The following TOX2 variants were observed in gnomAD, a reference collection of about 807,000 sequenced individuals.
TOX2 encodes the protein TOX high mobility group box family member 2.
A neutral mutation model predicts 47.4 loss-of-function variants in TOX2; 15 were observed. The observed-to-expected ratio is 0.32, with a 90% CI of 0.21 to 0.49. The LOEUF is 0.49. TOX2 is among the 20% of genes least tolerant of loss of function. The pLI is 0.99. For synonymous variants in TOX2, 290 were observed against 296.6 expected (o/e 0.98, Z 0.23); for missense variants, 622 against 673.1 (o/e 0.92, Z 0.84).
At chr20:44,014,739 A>G (rs1337906532) in intron 3 of TOX2, among the ~76,000 whole-genome samples, 1 of 152,160 alleles carries the variant, frequency 6.6e-6, no homozygotes. Flanking sequence ...TGCTCTGTTT[A>G]TTACTTTAAC....
At chr20:44,008,745 G>A (rs1004605094) in intron 3 of TOX2, among the ~76,000 whole-genome samples, 1 of 151,984 alleles carries the variant, frequency 6.6e-6, no homozygotes, top group Non-Finnish European at 1.5e-5. Context: ...TTACGTACTA[G>A]TCATGACTCT....
At chr20:44,051,155 T>C in intron 3 of TOX2, 151 bp from the exon 4 acceptor site, 1 of 1,234,682 alleles carries the variant, frequency 8.1e-7, no homozygotes, top group Non-Finnish European at 1.1e-6. Flanking sequence ...AGCATGAGGC[T>C]CCATCTTGAG....
At chr20:43,955,331 G>A (rs2069649133) in intron 1 of TOX2, 10 of 982,982 alleles carry the variant, frequency 1.0e-5, no homozygotes, top group Non-Finnish European at 1.2e-5. Flanking sequence ...GCCTCTGGCA[G>A]CCATCGCAGA....
chr20:43,943,066 C>G (rs772147159), intron 1 of TOX2, among the ~76,000 whole-genome samples: 46 of 152,092 alleles, frequency 3.0e-4, no homozygotes, highest in Non-Finnish European at 5.3e-4. Flanking sequence ...GGTCTCACAG[C>G]CTTGGATTTG....
At chr20:43,947,905 G>A (rs1032520511) in intron 1 of TOX2, among the ~76,000 whole-genome samples, 2 of 152,068 alleles carry the variant, frequency 1.3e-5, no homozygotes, top group Non-Finnish European at 1.5e-5. Context: ...GGAGAGAGTG[G>A]CTGAGAATTG....
At chr20:43,964,001 G>C (rs961399785) in intron 1 of TOX2, among the ~76,000 whole-genome samples, 9 of 151,930 alleles carry the variant, frequency 5.9e-5, no homozygotes, top group African/African-American at 2.2e-4. Context: ...TCTCTAGGTA[G>C]GCAATGTTCT....
At chr20:43,961,857 G>C (rs941101245) in intron 1 of TOX2, among the ~76,000 whole-genome samples, 1 of 151,916 alleles carries the variant, frequency 6.6e-6, no homozygotes. Context: ...TCAAAGTCGC[G>C]AGCCCAATCA....
chr20:43,940,197 G>T (rs1389876919), intron 1 of TOX2, among the ~76,000 whole-genome samples: 1 of 152,044 alleles, frequency 6.6e-6, no homozygotes, highest in African/African-American at 2.4e-5. Context: ...GCCGTGGAAG[G>T]ATTTTAAATG....
intron 1 of TOX2, among the ~76,000 whole-genome samples, chr20:43,925,953 T>C (rs557091544): frequency 1.3e-5 from 2 of 152,320 alleles, no homozygotes; most frequent in South Asian, 4.1e-4. Flanking sequence ...GGGAGCTCAC[T>C]TCCTCCTGCT....
intron 4 of TOX2, 67 bp from the exon 5 acceptor site, chr20:44,054,232 G>A: frequency 6.6e-7 from 1 of 1,510,074 alleles, no homozygotes; most frequent in Non-Finnish European, 9.0e-7. Flanking sequence ...GCCCAAGTCT[G>A]TGTTGATCGC....
chr20:44,061,368 C>T (rs1472928080), intron 5 of TOX2, among the ~76,000 whole-genome samples: 6 of 152,110 alleles, frequency 3.9e-5, no homozygotes, highest in Non-Finnish European at 8.8e-5. Flanking sequence ...GTCAATCACC[C>T]TAATACCCAA....
At chr20:44,048,437 G>T (rs1453358989) in intron 3 of TOX2, among the ~76,000 whole-genome samples, 1 of 103,176 alleles carries the variant, frequency 9.7e-6, no homozygotes, top group Non-Finnish European at 2.1e-5. Context: ...AAACTGACTC[G>T]AGAGAAAATG....
intron 1 of TOX2, among the ~76,000 whole-genome samples, chr20:43,925,707 G>GT (rs1390774129): frequency 3.3e-5 from 5 of 152,184 alleles, no homozygotes; most frequent in Non-Finnish European, 7.3e-5. Flanking sequence ...CTGTCAGTCT[G>GT]TTTCTTTGAC....
chr20:43,919,002 T>A (rs2069086019), intron 1 of TOX2, among the ~76,000 whole-genome samples: 1 of 152,194 alleles, frequency 6.6e-6, no homozygotes, highest in African/African-American at 2.4e-5. Flanking sequence ...AGGAAGAGGC[T>A]TAGCATCTCC....
intron 3 of TOX2, among the ~76,000 whole-genome samples, chr20:44,035,942 C>G (rs2071231831): frequency 1.3e-5 from 2 of 152,228 alleles, no homozygotes; most frequent in Non-Finnish European, 2.9e-5. Context: ...ATCCAGTGAG[C>G]TCTGGAATGC....
intron 1 of TOX2, among the ~76,000 whole-genome samples, chr20:43,959,563 G>A (rs930869054): frequency 1.3e-5 from 2 of 152,290 alleles, no homozygotes; most frequent in South Asian, 2.1e-4. Context: ...AAGATCGAAC[G>A]CTGTCGTTGA....
At chr20:44,047,333 C>T (rs2071425816) in intron 3 of TOX2, among the ~76,000 whole-genome samples, 1 of 152,084 alleles carries the variant, frequency 6.6e-6, no homozygotes, top group Admixed American at 6.5e-5. Flanking sequence ...CATCTCAACT[C>T]CTGCCCTAGA....
At chr20:43,979,308 C>G (rs2070132864) in intron 2 of TOX2, among the ~76,000 whole-genome samples, 1 of 152,050 alleles carries the variant, frequency 6.6e-6, no homozygotes, top group African/African-American at 2.4e-5. Context: ...AGCAGAGGAC[C>G]AATGACTCTG....
intron 1 of TOX2, among the ~76,000 whole-genome samples, chr20:43,947,683 C>T (rs1317518250): frequency 1.3e-5 from 2 of 152,228 alleles, no homozygotes; most frequent in Admixed American, 6.5e-5. Context: ...ATGGCAAGGA[C>T]TGACTGGCCA....
Sources: gnomAD v4.1 joint callset for allele counts (sites outside exome capture counted in the v4.1 genomes callset) on GRCh38, gnomAD v4.1.1 for gene constraint, MANE v1.5 for transcripts, NCBI Gene and HGNC (gene_info 2026-07-23, HGNC 2026-07-21) for gene names.